PDSS2: variants seen among roughly 807,000 people sequenced by gnomAD.
The protein encoded by PDSS2 is decaprenyl diphosphate synthase subunit 2, also known as all trans-polyprenyl-diphosphate synthase PDSS2.
In PDSS2, 31 loss-of-function variants were observed where a neutral mutation model predicts 44.5. The observed-to-expected ratio is 0.70, with a 90% CI of 0.52 to 0.94. The LOEUF (loss-of-function observed/expected upper bound fraction) is 0.94, where lower values mean the gene tolerates loss of function less well. Ranked by LOEUF, PDSS2 falls within the 40% of genes least tolerant of loss-of-function variation. PDSS2 has a pLI of 0.00. For missense variants in PDSS2, 452 were observed against 482.2 expected (o/e 0.94, Z 0.59); for synonymous variants, 157 against 180.3 (o/e 0.87, Z 1.03).
At chr6:107,418,935 G>A (rs142651368) in intron 1 of PDSS2, among the ~76,000 whole-genome samples, 1 of 152,130 alleles carries the variant, frequency 6.6e-6, no homozygotes, top group African/African-American at 2.4e-5. Flanking sequence ...ATTGTTGCAT[G>A]CTAATTTTAA....
intron 1 of PDSS2, among the ~76,000 whole-genome samples, chr6:107,335,205 G>T (rs1418559203): frequency 4.0e-5 from 6 of 150,860 alleles, no homozygotes; most frequent in East Asian, 1.9e-4. Context: ...CACATTTGAG[G>T]CTTCCTCATT....
chr6:107,214,009 T>TA (rs1269576970), intron 4 of PDSS2, among the ~76,000 whole-genome samples: 2 of 152,086 alleles, frequency 1.3e-5, no homozygotes, highest in Non-Finnish European at 2.9e-5. Context: ...TGGAAACAGG[T>TA]AAAATTAATC....
intron 7 of PDSS2, among the ~76,000 whole-genome samples, chr6:107,162,369 T>C (rs1242600115): frequency 2.6e-5 from 4 of 151,420 alleles, no homozygotes; most frequent in Non-Finnish European, 5.9e-5. Flanking sequence ...GGCGTGCACC[T>C]GTAATCCCAG....
chr6:107,266,571 C>T (rs1165711947), intron 3 of PDSS2, among the ~76,000 whole-genome samples: 2 of 152,048 alleles, frequency 1.3e-5, no homozygotes, highest in Non-Finnish European at 2.9e-5. Context: ...AATTCCTCAC[C>T]AGAGAAAGGT....
chr6:107,224,579 CT>C (rs1773722629), intron 4 of PDSS2, among the ~76,000 whole-genome samples: 1 of 151,430 alleles, frequency 6.6e-6, no homozygotes, highest in Admixed American at 6.6e-5. Flanking sequence ...CTGACTACCT[CT>C]GCATATACAG....
chr6:107,190,181 C>T (rs1772324471), intron 7 of PDSS2, among the ~76,000 whole-genome samples: 1 of 152,244 alleles, frequency 6.6e-6, no homozygotes, highest in South Asian at 2.1e-4. Context: ...TCTGTCACTA[C>T]CACAGTAAAA....
intron 4 of PDSS2, among the ~76,000 whole-genome samples, chr6:107,235,261 C>T (rs1774186766): frequency 6.6e-6 from 1 of 152,130 alleles, no homozygotes; most frequent in Admixed American, 6.6e-5. Context: ...CACAGATCCT[C>T]CCTAAAGTCT....
chr6:107,178,211 AATTCTATCTAC>A (rs1156875504), intron 7 of PDSS2, among the ~76,000 whole-genome samples: 1 of 152,188 alleles, frequency 6.6e-6, no homozygotes, highest in Admixed American at 6.5e-5. Flanking sequence ...ACGACAGAGA[AATTCTATCTAC>A]ATTTATTAAT....
intron 2 of PDSS2, among the ~76,000 whole-genome samples, chr6:107,294,091 A>T (rs1776431823): frequency 6.6e-6 from 1 of 151,996 alleles, no homozygotes; most frequent in Non-Finnish European, 1.5e-5. Context: ...TTCTGCAAAG[A>T]CCTCTCCAGC....
At chr6:107,338,057 T>G (rs1261742250) in intron 1 of PDSS2, among the ~76,000 whole-genome samples, 1 of 152,150 alleles carries the variant, frequency 6.6e-6, no homozygotes, top group African/African-American at 2.4e-5. Context: ...ACACCATTTC[T>G]TTAAATTCAC....
At chr6:107,451,520 C>G (rs985486461) in intron 1 of PDSS2, among the ~76,000 whole-genome samples, 1 of 152,120 alleles carries the variant, frequency 6.6e-6, no homozygotes, top group Non-Finnish European at 1.5e-5. Context: ...ATAAACCCCT[C>G]GTAGCCTCTG....
At chr6:107,406,025 T>G (rs1780309631) in intron 1 of PDSS2, among the ~76,000 whole-genome samples, 1 of 152,152 alleles carries the variant, frequency 6.6e-6, no homozygotes, top group African/African-American at 2.4e-5. Context: ...GTATCAAAAC[T>G]GTACTTGTAC....
At chr6:107,356,036 G>A (rs1307417724) in intron 1 of PDSS2, among the ~76,000 whole-genome samples, 3 of 152,122 alleles carry the variant, frequency 2.0e-5, no homozygotes, top group Non-Finnish European at 2.9e-5. Flanking sequence ...GCACAAGGCT[G>A]AAGAAAAAGG....
rs1396607551 is a variant in PDSS2 at position 107,334,088 on chromosome 6, A to T, written c.431+110T>A. The T allele has an allele frequency of 3.0e-6, 3 of 1,012,748 alleles. No homozygotes were observed. The African/African-American group carries it at 4.8e-5, about 16-fold the overall frequency. 62.7% of individuals were successfully genotyped at this position (1,012,748 alleles called of 1,614,324 possible). On this transcript the variant is annotated intron_variant, in intron 2 of 7. Transcript: ENST00000369037. ...AATCCATTTTTAACCTTATATTTTA[A>T]TCTATCTTTGAATCAGAGAATGACA...
intron 6 of PDSS2, among the ~76,000 whole-genome samples, chr6:107,206,988 C>T (rs1005318978): frequency 3.4e-5 from 5 of 148,894 alleles, no homozygotes; most frequent in Admixed American, 2.8e-4. Flanking sequence ...GATGAATTTG[C>T]TATTATTGTT....
chr6:107,234,264 G>A (rs1774152501), intron 4 of PDSS2, among the ~76,000 whole-genome samples: 2 of 151,120 alleles, frequency 1.3e-5, no homozygotes, highest in Admixed American at 6.6e-5. Flanking sequence ...GGAGTGCAAT[G>A]GTGCCATCTC....
intron 3 of PDSS2, among the ~76,000 whole-genome samples, chr6:107,255,897 CAG>C (rs1328908056): frequency 6.6e-6 from 1 of 152,174 alleles, no homozygotes; most frequent in Non-Finnish European, 1.5e-5. Flanking sequence ...CAAGATAAAA[CAG>C]AATCATTCTT....
chr6:107,247,018 A>AT (rs572852419), intron 3 of PDSS2, among the ~76,000 whole-genome samples: 39 of 152,058 alleles, frequency 2.6e-4, no homozygotes, highest in African/African-American at 5.8e-4. Context: ...AAATGAATGG[A>AT]TTTTTTTCCC....
chr6:107,185,680 A>G (rs1312662407), intron 7 of PDSS2, among the ~76,000 whole-genome samples: 2 of 152,184 alleles, frequency 1.3e-5, no homozygotes, highest in Non-Finnish European at 2.9e-5. Context: ...TTTTAGATAT[A>G]TATATATTAG....
Sources: gnomAD v4.1 joint callset for allele counts (sites outside exome capture counted in the v4.1 genomes callset) on GRCh38, gnomAD v4.1.1 for gene constraint, MANE v1.5 for transcripts, NCBI Gene and HGNC (gene_info 2026-07-23, HGNC 2026-07-21) for gene names.